Variants in PIK3C3 observed in about 807,000 individuals in gnomAD.
PIK3C3 encodes phosphatidylinositol 3-kinase catalytic subunit type 3.
PIK3C3 carries 95 observed loss-of-function variants against 126.1 expected under a neutral mutation model. The observed-to-expected ratio is 0.75, with a 90% CI of 0.64 to 0.89. The LOEUF (loss-of-function observed/expected upper bound fraction) is 0.89. Ranked by LOEUF, PIK3C3 falls within the 40% of genes least tolerant of loss-of-function variation. PIK3C3 has a pLI of 0.00. For synonymous variants in PIK3C3, 374 were observed against 360.0 expected (o/e 1.04, Z -0.44); for missense variants, 829 against 1,063.2 (o/e 0.78, Z 3.06).
chr18:41,987,842 G>T lies in PIK3C3; in HGVS notation c.562G>T (p.Val188Leu), dbSNP rs1691532035. The change falls in exon 5 of 25, where the codon GTG becomes TTG. Residue 188 changes from valine (V) to leucine (L), a missense_variant. Val to Leu is a conservative substitution (Grantham distance 32). Around this residue, in one of 4 missense-constraint regions of PIK3C3, gnomAD observed 313 missense variants for 340.7 expected, o/e 0.92. Coordinates refer to ENST00000262039, the MANE Select transcript of PIK3C3 (RefSeq NM_002647.4). Reference protein sequence around the residue: ...LTKAHRQGHMVKVDWLDRLTF... With the variant: ...LTKAHRQGHMLKVDWLDRLTF... The stretch of plus-strand genomic sequence containing the variant: ...CAAAGCTCATCGACAAGGACACATG[G>T]TGAAAGTAGATTGGCTGGATAGATT... 6.2e-7 allele frequency: 1 copy of T among 1,608,238 alleles called. No homozygotes were observed. The highest frequency in any genetic ancestry group is 1.3e-5 in the African/African-American group (1 of 74,738).
chr18:42,039,259 ACT>A (rs1984197486), intron 18 of PIK3C3, among the ~76,000 whole-genome samples: 2 of 152,182 alleles, frequency 1.3e-5, no homozygotes, highest in African/African-American at 4.8e-5. Flanking sequence ...CCTGCTTTAT[ACT>A]AGTAGTTACT....
intron 22 of PIK3C3, among the ~76,000 whole-genome samples, chr18:42,060,749 C>A (rs1363219714): frequency 6.6e-6 from 1 of 151,960 alleles, no homozygotes; most frequent in African/African-American, 2.4e-5. Flanking sequence ...TGAACTCCAA[C>A]CTAGACAATA....
chr18:42,075,397 G>A (rs1171915562), intron 24 of PIK3C3, among the ~76,000 whole-genome samples: 1 of 151,882 alleles, frequency 6.6e-6, no homozygotes, highest in African/African-American at 2.4e-5. Flanking sequence ...ATCACACACA[G>A]CTTTTTTTCA....
intron 4 of PIK3C3, among the ~76,000 whole-genome samples, chr18:41,975,088 T>C (rs138408725): frequency 4.6e-5 from 7 of 152,298 alleles, no homozygotes; most frequent in African/African-American, 1.7e-4. Context: ...AGGTGAACAC[T>C]GTTGCAGGGA....
intron 4 of PIK3C3, among the ~76,000 whole-genome samples, chr18:41,974,858 A>G (rs1279997833): frequency 1.3e-5 from 2 of 152,202 alleles, no homozygotes; most frequent in African/African-American, 2.4e-5. Flanking sequence ...TTTGATTTAT[A>G]TTTGAATCCA....
chr18:41,955,294 GGGGGAAGCAGAGAA>G lies in PIK3C3; in HGVS notation c.5_18del (p.Gly2ValfsTer6), dbSNP rs1979704442. On this transcript the variant is annotated frameshift_variant, in exon 1 of 25. Transcript: ENST00000262039. LOFTEE classifies it high-confidence loss of function. ...GTGGTACCTTTGCAGACGGTGCGAT[GGGGGAAGCAGAGAA>G]GTTTCACTACATCTATAGTTGTGAC... 1 of 1,612,776 alleles carries G rather than the reference GGGGGAAGCAGAGAA, an allele frequency of 6.2e-7. No homozygotes were observed.
At chr18:42,076,125 CATAT>C (rs1170833789) in intron 24 of PIK3C3, among the ~76,000 whole-genome samples, 37 of 47,670 alleles carry the variant, frequency 7.8e-4, no homozygotes, top group Non-Finnish European at 1.1e-3. Context: ...TATATATGCG[CATAT>C]ATATATATAT....
chr18:42,001,244 G>A (rs573102548), intron 9 of PIK3C3, among the ~76,000 whole-genome samples: 4 of 152,022 alleles, frequency 2.6e-5, no homozygotes, highest in Non-Finnish European at 5.9e-5. Context: ...ATTTACTATA[G>A]GATACTGTTA....
Position 42,064,784 on chromosome 18 carries a change from C to T in PIK3C3, c.2477C>T (p.Ala826Val). 1 of 1,606,464 alleles carries T rather than the reference C, an allele frequency of 6.2e-7. No homozygotes were observed. The highest frequency in any genetic ancestry group is 8.5e-7 in the Non-Finnish European group (1 of 1,173,356). The change falls in exon 23 of 25, where the codon GCA becomes GTA. Residue 826 changes from alanine (A) to valine (V), a missense_variant. Physicochemically the swap from Ala to Val is moderately conservative, Grantham distance 64 (BLOSUM62 0). Transcript: ENST00000262039. The stretch of plus-strand genomic sequence containing the variant: ...AACTTGTTTTCCTTGATGGTTGATG[C>T]AAACATTCCAGATATTGCACTTGAA... ...ILNLFSLMVD[A>V]NIPDIALEPD... is the part of the protein sequence containing the mutation.
chr18:42,076,801 TG>T (rs1199032516), intron 24 of PIK3C3, among the ~76,000 whole-genome samples: 2 of 152,228 alleles, frequency 1.3e-5, no homozygotes, highest in Admixed American at 1.3e-4. Flanking sequence ...ATGTCATCCT[TG>T]ATAGGGTTTG....
chr18:41,995,438 T>C (rs1343172684), intron 7 of PIK3C3, among the ~76,000 whole-genome samples: 2 of 152,212 alleles, frequency 1.3e-5, no homozygotes, highest in Non-Finnish European at 2.9e-5. Context: ...GATGTGTATA[T>C]TCAAGCGTTG....
chr18:42,000,106 T>C (rs1982213866), intron 9 of PIK3C3, among the ~76,000 whole-genome samples: 1 of 152,214 alleles, frequency 6.6e-6, no homozygotes, highest in South Asian at 2.1e-4. Context: ...CAGGCTGGAC[T>C]GCAATGGCAT....
intron 7 of PIK3C3, 44 bp downstream of exon 7, chr18:41,993,385 A>C (rs745606304): frequency 1.7e-6 from 2 of 1,208,784 alleles, no homozygotes; most frequent in South Asian, 2.5e-5. Context: ...TTTTCTTCAG[A>C]GTAATTGTGA....
chr18:42,044,298 G>A (rs944847944), intron 20 of PIK3C3, among the ~76,000 whole-genome samples: 2 of 152,106 alleles, frequency 1.3e-5, no homozygotes, highest in African/African-American at 4.8e-5. Context: ...GAAATAAATA[G>A]TAAGTGACAT....
chr18:42,047,840 C>A (rs1442420494), intron 20 of PIK3C3, among the ~76,000 whole-genome samples: 1 of 152,162 alleles, frequency 6.6e-6, no homozygotes, highest in African/African-American at 2.4e-5. Flanking sequence ...TACTGCCAGT[C>A]TGTGGGATCA....
At chr18:42,013,998 CTTAT>C (rs1298426676) in intron 11 of PIK3C3, among the ~76,000 whole-genome samples, 2 of 152,068 alleles carry the variant, frequency 1.3e-5, no homozygotes, top group South Asian at 2.1e-4. Context: ...GCTACTATTA[CTTAT>C]TTATGTTAAA....
chr18:42,017,943 T>C (rs1983150635), intron 12 of PIK3C3, among the ~76,000 whole-genome samples: 1 of 151,810 alleles, frequency 6.6e-6, no homozygotes, highest in South Asian at 2.1e-4. Flanking sequence ...TAGCTGTATT[T>C]TGACTGATTT....
In PIK3C3 at chr18:42,015,595, T is replaced by C. The variant is rs200672087; in HGVS notation, c.1416+29T>C. 418 of 1,492,176 alleles carry C rather than the reference T, an allele frequency of 2.8e-4. 3 individuals are homozygous for C. The highest frequency in any genetic ancestry group is 5.1e-5 in the Non-Finnish European group (55 of 1,069,760). The allele number at this position is 1,492,176 out of a possible 1,614,324, so 92.4% of individuals were successfully genotyped here. A position where few individuals can be genotyped will look rare whatever the true frequency, so the allele number is the denominator to read the frequency against. On this transcript the variant is annotated intron_variant, in intron 12 of 24. Coordinates refer to ENST00000262039, the MANE Select transcript of PIK3C3 (RefSeq NM_002647.4). ...AGTACAAAGCTTTTCCAGCTTCCTA[T>C]AGGAGAGATCCTACTGCATGAACAT...
intron 22 of PIK3C3, among the ~76,000 whole-genome samples, chr18:42,061,022 A>G (rs777917387): frequency 2.6e-5 from 4 of 152,192 alleles, no homozygotes; most frequent in African/African-American, 4.8e-5. Flanking sequence ...AAGAACCTCA[A>G]TGTAGTTAAT....
Sources: allele counts gnomAD v4.1 joint callset (sites outside exome capture counted in the v4.1 genomes callset), GRCh38; gene constraint gnomAD v4.1.1; regional missense constraint gnomAD v4.1.1; transcripts MANE v1.5; gene names NCBI Gene and HGNC (gene_info 2026-07-23, HGNC 2026-07-21).